VWA8: variants seen among roughly 807,000 people sequenced by gnomAD.
VWA8 encodes von Willebrand factor A domain containing 8, also known as von Willebrand factor A domain-containing protein 8.
VWA8 carries 221 observed loss-of-function variants against 241.5 expected under a neutral mutation model. The ratio of observed to expected loss-of-function variants is 0.91; its 90% CI spans 0.82 to 1.02. The LOEUF (loss-of-function observed/expected upper bound fraction) is 1.02. Ranked by LOEUF, VWA8 falls within the 50% of genes least tolerant of loss-of-function variation. VWA8 has a pLI of 0.00. For missense variants in VWA8, 2,322 were observed against 2,328.7 expected (o/e 1.00, Z 0.06); for synonymous variants, 852 against 827.1 (o/e 1.03, Z -0.52).
intron 20 of VWA8, among the ~76,000 whole-genome samples, chr13:41,768,381 G>A (rs2045794026): frequency 6.6e-6 from 1 of 152,098 alleles, no homozygotes; most frequent in Admixed American, 6.5e-5. Context: ...AAATATTCAT[G>A]GTGTCTCAAT....
Position 41,886,999 on chromosome 13 carries a change from T to A in VWA8, c.817-169A>T, listed in dbSNP as rs73185331. On this transcript the variant is annotated intron_variant, in intron 6 of 44. Transcript: ENST00000379310. ...TTTTCTAAAAGAAAAGCCAGCCTTT[T>A]AAAAAAAATCCTTCAAATAATGCCA... is the stretch of plus-strand genomic sequence containing the variant. 0.012 allele frequency among the ~76,000 whole-genome samples: 1,895 copies of A among 152,198 alleles called. 13 individuals are homozygous for A. The highest frequency in any genetic ancestry group is 0.023 in the East Asian group (119 of 5,186).
chr13:41,844,461 A>G (rs116440210), intron 12 of VWA8, among the ~76,000 whole-genome samples: 180 of 152,310 alleles, frequency 1.2e-3, no homozygotes, highest in African/African-American at 3.5e-3. Context: ...CATAACTCCT[A>G]TGCAACATAG....
chr13:41,931,350 G>A (rs1383497431), intron 2 of VWA8, among the ~76,000 whole-genome samples: 2 of 148,850 alleles, frequency 1.3e-5, no homozygotes, highest in African/African-American at 4.9e-5. Flanking sequence ...TGGGGCGGTG[G>A]GGTGCAGGGG....
chr13:41,882,754 G>C (rs1317123916), intron 9 of VWA8, among the ~76,000 whole-genome samples: 1 of 149,606 alleles, frequency 6.7e-6, no homozygotes, highest in African/African-American at 2.5e-5. Flanking sequence ...GATGGCAGCA[G>C]TACAGTCCAG....
chr13:41,937,798 T>C (rs1877419518), intron 2 of VWA8, among the ~76,000 whole-genome samples: 4 of 152,176 alleles, frequency 2.6e-5, no homozygotes, highest in African/African-American at 9.7e-5. Flanking sequence ...AATAAATTAA[T>C]TTTTAAAATT....
chr13:41,774,985 T>A (rs186124480), intron 20 of VWA8, among the ~76,000 whole-genome samples: 4 of 152,238 alleles, frequency 2.6e-5, no homozygotes, highest in Admixed American at 2.6e-4. Context: ...TGGGCAAAGG[T>A]AAGAGAAAGA....
chr13:41,577,800 T>C (rs2044359806), intron 42 of VWA8, among the ~76,000 whole-genome samples: 1 of 152,246 alleles, frequency 6.6e-6, no homozygotes, highest in South Asian at 2.1e-4. Flanking sequence ...TGAATGTGTT[T>C]GACTTTTCCC....
Position 41,675,923 on chromosome 13 carries a change from A to T in VWA8, c.4328-627T>A, listed in dbSNP as rs183854751. Reference sequence around the variant, plus strand: ...TATCTGTCATTATTAGGGCCCTGCAAGACAGGGGAAGGTGAGGTGAGGATG... The same window carrying T: ...TATCTGTCATTATTAGGGCCCTGCATGACAGGGGAAGGTGAGGTGAGGATG... On this transcript the variant is annotated intron_variant, in intron 35 of 44. Transcript: ENST00000379310. 2.3e-4 allele frequency among the ~76,000 whole-genome samples: 35 copies of T among 152,258 alleles called. 1 individual carries two copies. In the East Asian group the frequency reaches 6.6e-3, roughly 29 times the overall value.
chr13:41,757,608 T>C (rs567779401), intron 21 of VWA8, among the ~76,000 whole-genome samples: 1 of 151,784 alleles, frequency 6.6e-6, no homozygotes, highest in South Asian at 2.1e-4. Flanking sequence ...CTCTGCCCTT[T>C]AGCAGTCCCC....
At chr13:41,819,111 G>A in intron 15 of VWA8, 107 bp downstream of exon 15, 1 of 1,168,502 alleles carries the variant, frequency 8.6e-7, no homozygotes, top group Non-Finnish European at 1.2e-6. Context: ...GGGAGTAAAT[G>A]GGAAGAAAAA....
At chr13:41,943,500 C>T (rs1877694147) in intron 2 of VWA8, among the ~76,000 whole-genome samples, 3 of 152,124 alleles carry the variant, frequency 2.0e-5, no homozygotes, top group Admixed American at 2.0e-4. Flanking sequence ...ACAATGAGCA[C>T]TAACTTTAAA....
In VWA8 at chr13:41,611,813, C is replaced by G. The variant is rs558759528; in HGVS notation, c.4721-81G>C. The G allele has an allele frequency of 1.8e-4, 274 of 1,501,356 alleles. No individual in the cohort carries two copies. In the African/African-American group the frequency reaches 3.7e-3, roughly 20 times the overall value. The allele number at this position is 1,501,356 out of a possible 1,614,324, so 93.0% of individuals were successfully genotyped here. ...AAGTTGGGTCATGGTTTTAGGACAG[C>G]CTTGTGGAGGATATTAATTGTACTT... On this transcript the variant is annotated intron_variant, in intron 38 of 44. Coordinates refer to ENST00000379310, the MANE Select transcript of VWA8 (RefSeq NM_015058.2).
chr13:41,728,359 A>G (rs148588425), intron 23 of VWA8, among the ~76,000 whole-genome samples: 1 of 152,226 alleles, frequency 6.6e-6, no homozygotes, highest in Admixed American at 6.5e-5. Context: ...AATGAAAAAT[A>G]TAACCCTACA....
At chr13:41,773,410 G>A (rs966655394) in intron 20 of VWA8, among the ~76,000 whole-genome samples, 1 of 152,140 alleles carries the variant, frequency 6.6e-6, no homozygotes, top group Non-Finnish European at 1.5e-5. Context: ...ACTGAAGAAG[G>A]ACCTGAGTTA....
chr13:41,896,571 C>T (rs1875119099), intron 4 of VWA8, among the ~76,000 whole-genome samples: 1 of 151,994 alleles, frequency 6.6e-6, no homozygotes, highest in African/African-American at 2.4e-5. Context: ...ATAAAGACCA[C>T]ATAAATATCT....
At chr13:41,854,292 A>C (rs536194388) in intron 12 of VWA8, among the ~76,000 whole-genome samples, 39 of 152,144 alleles carry the variant, frequency 2.6e-4, no homozygotes, top group Non-Finnish European at 5.0e-4. Flanking sequence ...GTAGCTTGGA[A>C]GACAATTGGG....
chr13:41,686,680 A>C (rs761297455), intron 34 of VWA8, among the ~76,000 whole-genome samples: 1 of 152,040 alleles, frequency 6.6e-6, no homozygotes, highest in Non-Finnish European at 1.5e-5. Context: ...ATTTGTTTTC[A>C]TTATCCTTAA....
intron 38 of VWA8, 62 bp downstream of exon 38, chr13:41,614,914 T>A: frequency 6.5e-7 from 1 of 1,528,902 alleles, no homozygotes; most frequent in South Asian, 1.1e-5. Flanking sequence ...GGCGATGTGC[T>A]GGCCTAATGG....
At chr13:41,747,132 A>G (rs2045613548) in intron 21 of VWA8, among the ~76,000 whole-genome samples, 1 of 152,174 alleles carries the variant, frequency 6.6e-6, no homozygotes. Flanking sequence ...CAGTTCTGTG[A>G]AGAAAGTCAT....
Sources: gnomAD v4.1 joint callset for allele counts (sites outside exome capture counted in the v4.1 genomes callset) on GRCh38, gnomAD v4.1.1 for gene constraint, MANE v1.5 for transcripts, NCBI Gene and HGNC (gene_info 2026-07-23, HGNC 2026-07-21) for gene names.